Variants in DGCR8 observed in about 807,000 individuals in gnomAD.
DGCR8 encodes DGCR8 microprocessor complex subunit.
Under a neutral mutation model 78.5 loss-of-function variants are expected in DGCR8, and 14 were observed. The ratio of observed to expected loss-of-function variants is 0.18; its 90% confidence interval spans 0.12 to 0.28. The LOEUF (loss-of-function observed/expected upper bound fraction) is 0.28. DGCR8 is among the 10% of genes least tolerant of loss of function. DGCR8 has a pLI of 1.00. For synonymous variants in DGCR8, 399 were observed against 402.4 expected, an observed-to-expected ratio of 0.99 and a Z score of 0.10; for missense variants, 702 against 1,022.5, an observed-to-expected ratio of 0.69 and a Z score of 4.28.
chr22:20,108,482 A>T (rs893518539), intron 12 of DGCR8: 5 of 181,018 alleles, frequency 2.8e-5, no homozygotes, highest in Admixed American at 1.1e-4. Flanking sequence ...GCATTCATGG[A>T]GTGTGCAGAG....
At chr22:20,105,422 C>T (rs1002414534) in intron 9 of DGCR8, among the ~76,000 whole-genome samples, 3 of 152,230 alleles carry the variant, frequency 2.0e-5, no homozygotes, top group Non-Finnish European at 1.5e-5. Flanking sequence ...GTTGTCCATG[C>T]TCCAGAGTGG....
Position 20,086,568 on chromosome 22 carries a change from TAGA to T in DGCR8, c.609_611del (p.Glu203del). On this transcript the variant is annotated inframe_deletion, in exon 2 of 14. Coordinates refer to ENST00000351989, the MANE Select transcript of DGCR8 (RefSeq NM_022720.7). The surrounding 1 kb of genome is among the most constrained non-coding windows in gnomAD (Gnocchi z 6.4). ...GTGGAGTATGCAGTGCTCGATGAGT[TAGA>T]AGATTTTACTGACAATTTGGAGCTA... The T allele has an allele frequency of 1.2e-6, 2 of 1,613,760 alleles. No individual in the cohort carries two copies. Among genetic ancestry groups the T allele is most frequent in the Non-Finnish European group, 1.7e-6 (2 of 1,179,984 alleles).
Position 20,094,695 on chromosome 22 carries a change from G to C in DGCR8, c.1706-18G>C. The C allele has an allele frequency of 6.2e-7, 1 of 1,612,296 alleles. No individual in the cohort carries two copies. The highest frequency in any genetic ancestry group is 8.5e-7 in the Non-Finnish European group (1 of 1,178,456). Reference sequence around the variant, plus strand: ...GGGCAGTGCCCAAGCCTCACCCTCGGGCTCTTTTTTTTCATAGCCCGAGCT... The same window carrying C: ...GGGCAGTGCCCAAGCCTCACCCTCGCGCTCTTTTTTTTCATAGCCCGAGCT... On this transcript the variant is annotated intron_variant, in intron 8 of 13. Transcript: ENST00000351989.
In DGCR8 at chr22:20,087,312, G is replaced by C; in HGVS notation, c.871G>C (p.Val291Leu). ...GCCGATGATGACCAAGATTAAAACA[G>C]TGCTCAAAAGTACGTGTGTGGGTCA... The part of the protein sequence containing the change: ...VQPMMTKIKT[V>L]LKSRGRPPTE... Residue 291 changes from valine to leucine, a missense_variant, in exon 3 of 14, where the codon GTG becomes CTG. Transcript: ENST00000351989. The surrounding 1 kb of genome is among the most constrained non-coding windows in gnomAD (Gnocchi z 4.1). 1 of 1,605,428 alleles carries C rather than the reference G, an allele frequency of 6.2e-7. No individual in the cohort carries two copies. Among genetic ancestry groups the C allele is most frequent in the Admixed American group, 1.7e-5 (1 of 59,600 alleles).
At chr22:20,108,794 C>CCTACCTTGCCAGACCCTGGGCACGT (rs2049800712) in intron 12 of DGCR8, 96 bp from the exon 13 acceptor site, 1 of 806,910 alleles carries the variant, frequency 1.2e-6, no homozygotes, top group South Asian at 1.3e-5. Flanking sequence ...CCTGGGCGCG[C>CCTACCTTGCCAGACCCTGGGCACGT]CTGCCTTCAG....
At chr22:20,088,092 C>T (rs571629422) in intron 3 of DGCR8, among the ~76,000 whole-genome samples, 3 of 151,988 alleles carry the variant, frequency 2.0e-5, no homozygotes, top group African/African-American at 7.3e-5. Flanking sequence ...TGGCAGGGTG[C>T]GACTGGGAGC....
chr22:20,108,548 T>C (rs942774232), intron 12 of DGCR8: 3 of 268,548 alleles, frequency 1.1e-5, no homozygotes, highest in African/African-American at 2.2e-5. Flanking sequence ...TTACTGGCTA[T>C]GGCCACACTC....
chr22:20,090,669 A>G (rs978054233), intron 5 of DGCR8, among the ~76,000 whole-genome samples: 1 of 152,182 alleles, frequency 6.6e-6, no homozygotes, highest in African/African-American at 2.4e-5. Context: ...AACTGTCACC[A>G]TTCTGTGGAT....
intron 5 of DGCR8, among the ~76,000 whole-genome samples, chr22:20,090,739 C>G (rs575631323): frequency 5.3e-5 from 8 of 152,228 alleles, no homozygotes; most frequent in Non-Finnish European, 1.2e-4. Flanking sequence ...CCCATTCTCT[C>G]TTCCATGTCT....
intron 1 of DGCR8, among the ~76,000 whole-genome samples, chr22:20,080,978 C>G (rs1343092292): frequency 6.6e-6 from 1 of 152,220 alleles, no homozygotes; most frequent in African/African-American, 2.4e-5. Flanking sequence ...CACGGCAGTC[C>G]TGTCTTTGGC....
intron 9 of DGCR8, 73 bp from the exon 10 acceptor site, chr22:20,106,104 C>T: frequency 7.7e-7 from 1 of 1,300,102 alleles, no homozygotes; most frequent in South Asian, 1.2e-5. Flanking sequence ...CTGGGGAAAG[C>T]CAACCGCAGG....
In DGCR8 at chr22:20,089,996, T is replaced by C; in HGVS notation, c.1044T>C (p.Ser348=). The change falls in exon 5 of 14, where the codon AGT becomes AGC. Residue 348 remains serine, a synonymous_variant. Coordinates refer to ENST00000351989, the MANE Select transcript of DGCR8 (RefSeq NM_022720.7). This position sits in a 1 kb window ranked among gnomAD's most constrained non-coding sequence, Gnocchi z 4.9. The stretch of plus-strand genomic sequence containing the variant: ...CACAGAAACACGACCCTCCTCTGAG[T>C]AGCATCCCTTGTCTGCATTATAAGA... ...GSIRKHDPPL[S]SIPCLHYKKM... 6.2e-7 allele frequency: 1 copy of C among 1,612,940 alleles called. No individual in the cohort carries two copies. The highest frequency in any genetic ancestry group is 8.5e-7 in the Non-Finnish European group (1 of 1,179,412).
chr22:20,087,413 C>T lies in DGCR8; in HGVS notation c.880+92C>T. 7.0e-7 allele frequency: 1 copy of T among 1,433,850 alleles called. No homozygotes were observed. Among genetic ancestry groups the T allele is most frequent in the Non-Finnish European group, 9.4e-7 (1 of 1,063,996 alleles). 88.8% of individuals were successfully genotyped at this position (1,433,850 alleles called of 1,614,324 possible). On this transcript the variant is annotated intron_variant, in intron 3 of 13. Coordinates refer to ENST00000351989, the MANE Select transcript of DGCR8 (RefSeq NM_022720.7). This position sits in a 1 kb window ranked among gnomAD's most constrained non-coding sequence, Gnocchi z 4.1. ...AAATGCTTTGAGAGAGCTCTGGTGC[C>T]AGGTAGTGGGCTGGGTGGAGGCATG...
In DGCR8 at chr22:20,089,753, G is replaced by A; in HGVS notation, c.965G>A (p.Arg322Lys). Reference sequence around the variant, plus strand: ...TCTGGAGTCCCGGTGTACCTACACAGAGAGTCTCGGGTGGTCACCTGGTCC... The same window carrying A: ...TCTGGAGTCCCGGTGTACCTACACAAAGAGTCTCGGGTGGTCACCTGGTCC... Reference protein sequence around the residue: ...HNSGVPVYLHRESRVVTWSRP... With the variant: ...HNSGVPVYLHKESRVVTWSRP... Residue 322 changes from arginine to lysine, a missense_variant, in exon 4 of 14, where the codon AGA becomes AAA. Physicochemically the swap from Arg to Lys is conservative, Grantham distance 26. Transcript: ENST00000351989. This position sits in a 1 kb window ranked among gnomAD's most constrained non-coding sequence, Gnocchi z 4.9. 6.2e-7 allele frequency: 1 copy of A among 1,614,060 alleles called. No homozygotes were observed. The highest frequency in any genetic ancestry group is 8.5e-7 in the Non-Finnish European group (1 of 1,180,020).
In DGCR8 at chr22:20,087,024, A is replaced by G; in HGVS notation, c.721-138A>G. 8.7e-7 allele frequency: 1 copy of G among 1,147,624 alleles called. No homozygotes were observed. The highest frequency in any genetic ancestry group is 2.4e-5 in the East Asian group (1 of 41,892). The allele number at this position is 1,147,624 out of a possible 1,614,324, so 71.1% of individuals were successfully genotyped here. Reference sequence around the variant, plus strand: ...CTTCATCCTGTTTGTTTTTCAGATGATCATGCACCCTAAGGGCACATCTAG... The same window carrying G: ...CTTCATCCTGTTTGTTTTTCAGATGGTCATGCACCCTAAGGGCACATCTAG... On this transcript the variant is annotated intron_variant, in intron 2 of 13. Coordinates refer to ENST00000351989, the MANE Select transcript of DGCR8 (RefSeq NM_022720.7). The surrounding 1 kb of genome is among the most constrained non-coding windows in gnomAD (Gnocchi z 4.1).
chr22:20,086,749 G>A lies in DGCR8; in HGVS notation c.720+66G>A. The A allele has an allele frequency of 1.4e-6, 2 of 1,433,996 alleles. No individual in the cohort carries two copies. Among genetic ancestry groups the A allele is most frequent in the South Asian group, 1.4e-5 (1 of 71,400 alleles). The allele number at this position is 1,433,996 out of a possible 1,614,324, so 88.8% of individuals were successfully genotyped here. A position where few individuals can be genotyped will look rare whatever the true frequency, so the allele number is the denominator to read the frequency against. The stretch of plus-strand genomic sequence containing the variant: ...CCCAAAGAGAGATTTGGGAATTGCA[G>A]CATCTTTTGAAAGCAGGGAAATTAA... On this transcript the variant is annotated intron_variant, in intron 2 of 13. Coordinates refer to ENST00000351989, the MANE Select transcript of DGCR8 (RefSeq NM_022720.7). This position sits in a 1 kb window ranked among gnomAD's most constrained non-coding sequence, Gnocchi z 6.4.
intron 1 of DGCR8, among the ~76,000 whole-genome samples, chr22:20,084,754 G>A (rs1448884670): frequency 6.6e-6 from 1 of 152,210 alleles, no homozygotes; most frequent in Non-Finnish European, 1.5e-5. Context: ...CAACAAGTGC[G>A]GTCAGTTCTG....
At chr22:20,094,135 G>A (rs2049599227) in intron 8 of DGCR8, among the ~76,000 whole-genome samples, 1 of 152,186 alleles carries the variant, frequency 6.6e-6, no homozygotes, top group Non-Finnish European at 1.5e-5. Context: ...CCCTTGCCCA[G>A]ACTCTTGGCT....
chr22:20,104,512 T>C (rs921728217), intron 9 of DGCR8, among the ~76,000 whole-genome samples: 1 of 150,468 alleles, frequency 6.6e-6, no homozygotes, highest in Admixed American at 6.6e-5. Flanking sequence ...TCTCTAGCTG[T>C]GTGTGTGTCA....
Sources: gnomAD v4.1 joint callset for allele counts (sites outside exome capture counted in the v4.1 genomes callset) on GRCh38, gnomAD v4.1.1 for gene constraint, Gnocchi (gnomAD v3.1) non-coding constraint, MANE v1.5 for transcripts, NCBI Gene and HGNC (gene_info 2026-07-23, HGNC 2026-07-21) for gene names.